Variants in NMRAL1 observed in about 807,000 individuals in gnomAD.
NMRAL1 encodes nmrA-like family domain-containing protein 1.
A neutral mutation model predicts 27.5 loss-of-function variants in NMRAL1; 32 were observed. The ratio of observed to expected loss-of-function variants is 1.16; its 90% CI spans 0.88 to 1.56. The LOEUF (loss-of-function observed/expected upper bound fraction) is 1.56, where lower values mean the gene tolerates loss of function less well. NMRAL1 is among the 40% of genes most tolerant of loss of function. The pLI is 0.00. For synonymous variants in NMRAL1, 166 were observed against 166.8 expected (o/e 1.00, Z 0.04); for missense variants, 420 against 392.0 (o/e 1.07, Z -0.60).
rs1356627040 is a variant in NMRAL1 at position 4,467,871 on chromosome 16, C to T, written c.279+1356G>A. ...CTGACTTCAAGTGATCTGCCCGCCT[C>T]GGCCTCCCAAAGTGTGGGGATTACA... is the stretch of plus-strand genomic sequence containing the variant. On this transcript the variant is annotated intron_variant, in intron 3 of 5. Transcript: ENST00000283429. Among the ~76,000 whole-genome samples the T allele has an allele frequency of 3.3e-5, 5 of 151,972 alleles. 1 individual carries two copies. Among genetic ancestry groups the T allele is most frequent in the South Asian group, 2.1e-4 (1 of 4,804 alleles).
chr16:4,470,087 A>C (rs937466449), intron 2 of NMRAL1, among the ~76,000 whole-genome samples: 1 of 145,952 alleles, frequency 6.9e-6, no homozygotes, highest in East Asian at 2.1e-4. Context: ...GCTTGAACAC[A>C]GGAGGCGGAG....
intron 2 of NMRAL1, among the ~76,000 whole-genome samples, chr16:4,472,209 C>G (rs2057592724): frequency 6.6e-6 from 1 of 152,114 alleles, no homozygotes; most frequent in Non-Finnish European, 1.5e-5. Flanking sequence ...TATTACTCAG[C>G]CATAAAAATA....
At chr16:4,462,265 G>C (rs918186817) in intron 5 of NMRAL1, among the ~76,000 whole-genome samples, 3 of 152,150 alleles carry the variant, frequency 2.0e-5, no homozygotes, top group African/African-American at 7.2e-5. Flanking sequence ...AATCTCTTGA[G>C]GCCAGGAGTT....
At chr16:4,469,663 G>A in intron 2 of NMRAL1, 198 bp from the exon 3 acceptor site, 1 of 1,134,744 alleles carries the variant, frequency 8.8e-7, no homozygotes, top group Non-Finnish European at 1.2e-6. Context: ...AGGCTGAAGT[G>A]CAGTGGCACG....
chr16:4,463,419 C>A lies in NMRAL1; in HGVS notation c.720+241G>T, dbSNP rs192796241. 5.8e-5 allele frequency: 31 copies of A among 533,960 alleles called. 1 individual carries two copies. The African/African-American group carries it at 6.0e-4, about 10-fold the overall frequency. 33.1% of individuals were successfully genotyped at this position (533,960 alleles called of 1,614,324 possible). A position where few individuals can be genotyped will look rare whatever the true frequency, so the allele number is the denominator to read the frequency against. ...GGGCCTGCATTTTCACCCCTCCTTGCCTTGGCTCCTATGGCCCTCTCCTCC... is the reference window on the plus strand; with the variant it reads ...GGGCCTGCATTTTCACCCCTCCTTGACTTGGCTCCTATGGCCCTCTCCTCC... On this transcript the variant is annotated intron_variant, in intron 5 of 5. Transcript: ENST00000283429.
At chr16:4,469,529 C>G (rs1215194170) in intron 2 of NMRAL1, 64 bp from the exon 3 acceptor site, 2 of 1,598,676 alleles carry the variant, frequency 1.3e-6, no homozygotes. Flanking sequence ...AAGGGCGAAA[C>G]CCCGAAGGGA....
intron 5 of NMRAL1, chr16:4,463,440 C>T (rs2057188469): frequency 1.8e-6 from 1 of 546,548 alleles, no homozygotes; most frequent in Non-Finnish European, 3.2e-6. Flanking sequence ...ATGGCCCTCT[C>T]CTCCTGGAAG....
chr16:4,474,638 C>G (rs1033913633), upstream of NMRAL1: 2 of 154,580 alleles, frequency 1.3e-5, no homozygotes, highest in East Asian at 3.8e-4. Context: ...CGAAACCCCT[C>G]CTCCGGCGCA....
chr16:4,466,214 A>C lies in NMRAL1; in HGVS notation c.468T>G (p.Phe156Leu), dbSNP rs1304684708. 6.2e-7 allele frequency: 1 copy of C among 1,614,044 alleles called. No homozygotes were observed. The highest frequency in any genetic ancestry group is 8.5e-7 in the Non-Finnish European group (1 of 1,180,018). ...PMTSVRLPCY[F>L]ENLLSHFLPQ... Reference sequence around the variant, plus strand: ...GCAAGAAGTGGGAGAGGAGGTTCTCAAAATAGCAGGGCAGCCGCACACTGG... The same window carrying C: ...GCAAGAAGTGGGAGAGGAGGTTCTCCAAATAGCAGGGCAGCCGCACACTGG... Residue 156 changes from phenylalanine to leucine, a missense_variant, in exon 4 of 6, where the codon TTT becomes TTG. Phe to Leu is a conservative substitution (Grantham distance 22). Coordinates refer to ENST00000283429, the MANE Select transcript of NMRAL1 (RefSeq NM_020677.6).
chr16:4,474,165 A>G lies in NMRAL1; in HGVS notation c.-33T>C, dbSNP rs1473881745. Reference sequence around the variant, plus strand: ...AGAATGGGACGAATCCGGTCCAGAGATCTGGGGGTAATGGGAGGCGTGGAG... The same window carrying G: ...AGAATGGGACGAATCCGGTCCAGAGGTCTGGGGGTAATGGGAGGCGTGGAG... On this transcript the variant is annotated splice_region_variant and 5_prime_UTR_variant, in exon 2 of 6. Coordinates refer to ENST00000283429, the MANE Select transcript of NMRAL1 (RefSeq NM_020677.6). 2 of 1,605,020 alleles carry G rather than the reference A, an allele frequency of 1.2e-6. No homozygotes were observed. Among genetic ancestry groups the G allele is most frequent in the Admixed American group, 3.4e-5 (2 of 59,248 alleles).
At chr16:4,463,427 C>T (rs1029091935) in intron 5 of NMRAL1, 1 of 540,928 alleles carries the variant, frequency 1.8e-6, no homozygotes, top group Non-Finnish European at 3.2e-6. Context: ...TGCCTTGGCT[C>T]CTATGGCCCT....
upstream of NMRAL1, chr16:4,476,327 A>G (rs578008080): frequency 1.3e-5 from 2 of 152,402 alleles, no homozygotes; most frequent in South Asian, 2.1e-4. Context: ...CGTGTCAGCT[A>G]CAAGGGGCGT....
chr16:4,475,053 G>T (rs1040261147), upstream of NMRAL1, among the ~76,000 whole-genome samples: 5 of 152,162 alleles, frequency 3.3e-5, no homozygotes, highest in Non-Finnish European at 7.4e-5. Context: ...CCGGGTTCAA[G>T]AGATTCTCCT....
At chr16:4,469,166 C>T in intron 3 of NMRAL1, 61 bp downstream of exon 3, 3 of 1,147,034 alleles carry the variant, frequency 2.6e-6, no homozygotes, top group South Asian at 2.5e-5. Context: ...AGTCGGAGCT[C>T]CTCCCAGGCG....
Position 4,462,045 on chromosome 16 carries a change from C to T in NMRAL1, c.721-86G>A. ...AGGGAGGCCGGATGGGCTGGGGTCT[C>T]CCGACCTGCTACACCCAGAGCCACT... On this transcript the variant is annotated intron_variant, in intron 5 of 5. Transcript: ENST00000283429. 15 of 1,109,050 alleles carry T rather than the reference C, an allele frequency of 1.4e-5. No homozygotes were observed. The South Asian group carries it at 2.2e-4, about 16-fold the overall frequency. 68.7% of individuals were successfully genotyped at this position (1,109,050 alleles called of 1,614,324 possible).
At chr16:4,465,759 G>T (rs904675483) in intron 4 of NMRAL1, among the ~76,000 whole-genome samples, 6 of 151,982 alleles carry the variant, frequency 3.9e-5, no homozygotes. Flanking sequence ...TAGAGATGGG[G>T]TTTCACCATG....
upstream of NMRAL1, chr16:4,476,313 A>AGGGCGTGTCAGCTACAAG (rs2057830081): frequency 6.6e-6 from 1 of 152,258 alleles, no homozygotes; most frequent in African/African-American, 2.4e-5. Context: ...GCCCCCGGCA[A>AGGGCGTGTCAGCTACAAG]GGGCGTGTCA....
At position 4,461,708 on chromosome 16, in the gene NMRAL1, C is replaced by A; in HGVS notation, c.*72G>T. 1 of 1,406,528 alleles carries A rather than the reference C, an allele frequency of 7.1e-7. No individual in the cohort carries two copies. Among genetic ancestry groups the A allele is most frequent in the Non-Finnish European group, 9.7e-7 (1 of 1,031,306 alleles). The allele number at this position is 1,406,528 out of a possible 1,614,324, so 87.1% of individuals were successfully genotyped here. On this transcript the variant is annotated 3_prime_UTR_variant, in exon 6 of 6. Coordinates refer to ENST00000283429, the MANE Select transcript of NMRAL1 (RefSeq NM_020677.6). ...TGGAAGCCATCTGGGAGAACAATGG[C>A]TTTATTCAGATGTTGGTGCCTCTGC...
chr16:4,469,277 T>G lies in NMRAL1; in HGVS notation c.229A>C (p.Ile77Leu). The G allele has an allele frequency of 1.9e-6, 3 of 1,614,184 alleles. No homozygotes were observed. The highest frequency in any genetic ancestry group is 1.7e-5 in the Admixed American group (1 of 60,016). ...LALNGAYATF[I>L]VTNYWESCSQ... ...CAGCTCTCCCAGTAATTGGTCACGA[T>G]GAAGGTGGCGTAAGCCCCATTCAGG... The change falls in exon 3 of 6, where the codon ATC becomes CTC. Residue 77 changes from isoleucine (I) to leucine (L), a missense_variant. Transcript: ENST00000283429.
Sources: gnomAD v4.1 joint callset for allele counts (sites outside exome capture counted in the v4.1 genomes callset) on GRCh38, gnomAD v4.1.1 for gene constraint, MANE v1.5 for transcripts, NCBI Gene and HGNC (gene_info 2026-07-23, HGNC 2026-07-21) for gene names.